Variants in PTPRO observed in about 807,000 individuals in gnomAD.
The protein encoded by PTPRO is receptor-type tyrosine-protein phosphatase O.
PTPRO carries 62 observed loss-of-function variants against 145.2 expected under a neutral mutation model. The ratio of observed to expected loss-of-function variants is 0.43; its 90% CI spans 0.35 to 0.53. PTPRO has a LOEUF of 0.53. Ranked by LOEUF, PTPRO falls within the 20% of genes least tolerant of loss-of-function variation. The pLI is 0.01. For missense variants in PTPRO, 1,345 were observed against 1,482.7 expected (o/e 0.91, Z 1.53); for synonymous variants, 565 against 514.7 (o/e 1.10, Z -1.32).
At chr12:15,570,514 A>T (rs1944020836) in intron 19 of PTPRO, among the ~76,000 whole-genome samples, 1 of 152,154 alleles carries the variant, frequency 6.6e-6, no homozygotes, top group South Asian at 2.1e-4. Flanking sequence ...TACATTACCA[A>T]ATACAAAGAC....
At chr12:15,335,712 T>A (rs1785839760) in intron 1 of PTPRO, among the ~76,000 whole-genome samples, 1 of 152,148 alleles carries the variant, frequency 6.6e-6, no homozygotes, top group African/African-American at 2.4e-5. Context: ...TTAGCGAAAT[T>A]TGCTAAAACT....
intron 1 of PTPRO, among the ~76,000 whole-genome samples, chr12:15,390,496 T>C (rs1241593956): frequency 6.6e-6 from 1 of 151,914 alleles, no homozygotes; most frequent in Non-Finnish European, 1.5e-5. Context: ...ATCACGAGAA[T>C]AGCATGGGAA....
intron 23 of PTPRO, among the ~76,000 whole-genome samples, chr12:15,585,590 T>G (rs2041369347): frequency 6.6e-6 from 1 of 152,236 alleles, no homozygotes; most frequent in South Asian, 2.1e-4. Flanking sequence ...GTTTATTTTC[T>G]GTCCAAGACC....
chr12:15,374,321 G>T (rs1938617197), intron 1 of PTPRO, among the ~76,000 whole-genome samples: 1 of 152,088 alleles, frequency 6.6e-6, no homozygotes, highest in Non-Finnish European at 1.5e-5. Flanking sequence ...ACTTCTTCAT[G>T]AAAACACTGA....
At chr12:15,456,912 A>T (rs1488722042) in intron 1 of PTPRO, among the ~76,000 whole-genome samples, 1 of 151,986 alleles carries the variant, frequency 6.6e-6, no homozygotes, top group African/African-American at 2.4e-5. Flanking sequence ...TAAACAAACC[A>T]ATTCTTTTAT....
At chr12:15,510,983 A>G (rs1942426805) in intron 7 of PTPRO, among the ~76,000 whole-genome samples, 1 of 144,014 alleles carries the variant, frequency 6.9e-6, no homozygotes, top group African/African-American at 2.6e-5. Context: ...CCTGGGTAAC[A>G]TAGTGAAACT....
chr12:15,509,877 C>A (rs1201554786), intron 7 of PTPRO, among the ~76,000 whole-genome samples: 1 of 151,866 alleles, frequency 6.6e-6, no homozygotes, highest in South Asian at 2.1e-4. Context: ...CAGAACAAAC[C>A]CTAGTGAAAC....
At chr12:15,581,128 G>A (rs1303923007) in intron 22 of PTPRO, among the ~76,000 whole-genome samples, 1 of 152,128 alleles carries the variant, frequency 6.6e-6, no homozygotes, top group Admixed American at 6.5e-5. Context: ...GAGCTGGCAA[G>A]CTCTGATTGG....
intron 15 of PTPRO, among the ~76,000 whole-genome samples, chr12:15,555,169 C>T (rs531024767): frequency 2.0e-5 from 3 of 152,016 alleles, no homozygotes; most frequent in African/African-American, 4.8e-5. Flanking sequence ...ACTTGGGGGG[C>T]GGAGGTTGCA....
At position 15,501,550 on chromosome 12, in the gene PTPRO, A is replaced by G. The variant is rs1018728866; in HGVS notation, c.662-70A>G. On this transcript the variant is annotated intron_variant, in intron 4 of 26. Transcript: ENST00000281171. ...AAAAATCTGCTTGTGTACCTGACTC[A>G]TTAAGAGATTAAGTATTCACTCTAA... is the stretch of plus-strand genomic sequence containing the variant. The G allele has an allele frequency of 3.6e-6, 5 of 1,393,748 alleles. No homozygotes were observed. The African/African-American group carries it at 4.3e-5, about 12-fold the overall frequency. 86.3% of individuals were successfully genotyped at this position (1,393,748 alleles called of 1,614,324 possible).
chr12:15,446,433 C>A (rs1460095865), intron 1 of PTPRO, among the ~76,000 whole-genome samples: 3 of 151,990 alleles, frequency 2.0e-5, no homozygotes, highest in Non-Finnish European at 4.4e-5. Flanking sequence ...GCTGCAGCAA[C>A]TAAAATAATG....
chr12:15,585,901 A>G (rs1303202935), intron 23 of PTPRO, among the ~76,000 whole-genome samples: 3 of 152,246 alleles, frequency 2.0e-5, no homozygotes, highest in Non-Finnish European at 2.9e-5. Context: ...TACTCAGTTC[A>G]GAGAGAACAA....
At chr12:15,324,017 T>C (rs939087250) in intron 1 of PTPRO, among the ~76,000 whole-genome samples, 1 of 152,210 alleles carries the variant, frequency 6.6e-6, no homozygotes, top group African/African-American at 2.4e-5. Flanking sequence ...TTTAACATTT[T>C]TTCTTAAATT....
intron 24 of PTPRO, among the ~76,000 whole-genome samples, chr12:15,588,823 C>A (rs796897431): frequency 3.5e-4 from 54 of 152,204 alleles, no homozygotes; most frequent in African/African-American, 1.2e-3. Flanking sequence ...AATCAGTTCC[C>A]GAGAGTACTC....
chr12:15,334,230 C>A (rs1866691799), intron 1 of PTPRO, among the ~76,000 whole-genome samples: 1 of 151,950 alleles, frequency 6.6e-6, no homozygotes, highest in African/African-American at 2.4e-5. Flanking sequence ...TTTTTAAATG[C>A]ACATAGATAC....
At chr12:15,333,106 G>A (rs751295578) in intron 1 of PTPRO, among the ~76,000 whole-genome samples, 18 of 152,102 alleles carry the variant, frequency 1.2e-4, no homozygotes, top group Non-Finnish European at 2.1e-4. Flanking sequence ...GGTGTTCCAC[G>A]ATGAACCATG....
chr12:15,570,341 C>A (rs1434558069), intron 19 of PTPRO, among the ~76,000 whole-genome samples: 1 of 151,348 alleles, frequency 6.6e-6, no homozygotes, highest in East Asian at 1.9e-4. Context: ...TTTTATAAAG[C>A]CTTTTAAGTG....
Position 15,520,259 on chromosome 12 carries a change from G to A in PTPRO, c.1838G>A (p.Trp613Ter), listed in dbSNP as rs1470559975. The change falls in exon 10 of 27, where the codon TGG becomes TAG. Residue 613 changes from tryptophan to a stop codon, truncating the protein, a stop_gained. Coordinates refer to ENST00000281171, the MANE Select transcript of PTPRO (RefSeq NM_030667.3). LOFTEE classifies it high-confidence loss of function. Reference protein sequence around the residue: ...YYNFRVTMVTWGDPELSCCDS... With the variant: ...YYNFRVTMVT The stretch of plus-strand genomic sequence containing the variant: ...AACTTCCGGGTTACCATGGTGACGT[G>A]GGGAGATCCAGAATTGAGCTGCTGT... 6.2e-7 allele frequency: 1 copy of A among 1,613,822 alleles called. No homozygotes were observed.
At chr12:15,584,183 C>CT (rs1367283482) in intron 23 of PTPRO, among the ~76,000 whole-genome samples, 9 of 152,190 alleles carry the variant, frequency 5.9e-5, no homozygotes, top group African/African-American at 1.9e-4. Flanking sequence ...GAAGCAAGTG[C>CT]TGTATCCCTG....
Sources: allele counts gnomAD v4.1 joint callset (sites outside exome capture counted in the v4.1 genomes callset), GRCh38; gene constraint gnomAD v4.1.1; transcripts MANE v1.5; gene names NCBI Gene and HGNC (gene_info 2026-07-23, HGNC 2026-07-21).